HPSE2: variants seen among roughly 807,000 people sequenced by gnomAD.
HPSE2 encodes the protein inactive heparanase-2.
A neutral mutation model predicts 60.5 loss-of-function variants in HPSE2; 38 were observed. The ratio of observed to expected loss-of-function variants is 0.63; its 90% CI spans 0.48 to 0.82. The LOEUF (loss-of-function observed/expected upper bound fraction) is 0.82, where lower values mean the gene tolerates loss of function less well. HPSE2 is among the 40% of genes least tolerant of loss of function. The probability of loss-of-function intolerance (pLI) is 0.00; values close to 1 mark genes in which losing one functional copy is unlikely to be tolerated. For synonymous variants in HPSE2, 295 were observed against 293.2 expected (o/e 1.01, Z -0.06); for missense variants, 713 against 740.4 (o/e 0.96, Z 0.43).
At chr10:98,649,796 G>GGGCTCCATGGTC in intron 6 of HPSE2, among the ~76,000 whole-genome samples, 1 of 152,154 alleles carries the variant, frequency 6.6e-6, no homozygotes, top group African/African-American at 2.4e-5. Context: ...ATAAGTTTAG[G>GGGCTCCATGGTC]AAATGCTGGG....
At chr10:99,248,152 G>A in the HPSE2 span, among the ~76,000 whole-genome samples, 1 of 152,216 alleles carries the variant, frequency 6.6e-6, no homozygotes, top group African/African-American at 2.4e-5. Context: ...ATAATGGGCA[G>A]AGGTTGGAAC....
In HPSE2 at chr10:98,937,453, G is replaced by C. The variant is rs1954837699; in HGVS notation, c.611-193397C>G. Among the ~76,000 whole-genome samples the C allele has an allele frequency of 1.4e-5, 2 of 144,628 alleles. 1 individual carries two copies. The highest frequency in any genetic ancestry group is 4.2e-4 in the South Asian group (2 of 4,762). 94.9% of individuals were successfully genotyped at this position (144,628 alleles called of 152,430 possible). A position where few individuals can be genotyped will look rare whatever the true frequency, so the allele number is the denominator to read the frequency against. ...GATTATATCCCGCACATGGCTTGGAGGGTCCTACGCCCACGGAGTCTCGCT... is the reference window on the plus strand; with the variant it reads ...GATTATATCCCGCACATGGCTTGGACGGTCCTACGCCCACGGAGTCTCGCT... On this transcript the variant is annotated intron_variant, in intron 3 of 11. Coordinates refer to ENST00000370552, the MANE Select transcript of HPSE2 (RefSeq NM_021828.5).
At chr10:98,674,594 G>T (rs1947587843) in intron 6 of HPSE2, among the ~76,000 whole-genome samples, 1 of 152,184 alleles carries the variant, frequency 6.6e-6, no homozygotes, top group African/African-American at 2.4e-5. Context: ...TTCATCTCAA[G>T]ATTGTGTATA....
In HPSE2 at chr10:99,201,472, C is replaced by T. The variant is rs118080093; in HGVS notation, c.448+30876G>A. Among the ~76,000 whole-genome samples the T allele has an allele frequency of 3.1e-3, 466 of 152,154 alleles. 1 individual carries two copies. The highest frequency in any genetic ancestry group is 4.8e-3 in the Non-Finnish European group (324 of 67,992). The stretch of plus-strand genomic sequence containing the variant: ...CTTAGTCACAATCCTTCCTTGACTC[C>T]CTATTGTTTAAAGAAAAATCAAATC... On this transcript the variant is annotated intron_variant, in intron 2 of 11. Transcript: ENST00000370552.
chr10:99,140,766 C>T (rs142643883), intron 3 of HPSE2, among the ~76,000 whole-genome samples: 4 of 152,256 alleles, frequency 2.6e-5, no homozygotes, highest in African/African-American at 4.8e-5. Flanking sequence ...TGGCTGGGTG[C>T]GGTGGCTCAC....
intron 2 of HPSE2, among the ~76,000 whole-genome samples, chr10:99,207,460 A>G (rs913427668): frequency 1.3e-5 from 2 of 152,226 alleles, no homozygotes; most frequent in African/African-American, 4.8e-5. Context: ...AGATATAAAA[A>G]TCACTGATAA....
At chr10:99,257,054 G>A in the HPSE2 span, among the ~76,000 whole-genome samples, 1 of 152,174 alleles carries the variant, frequency 6.6e-6, no homozygotes, top group Non-Finnish European at 1.5e-5. Flanking sequence ...AAGATTTCAT[G>A]GACATTTATC....
At chr10:99,308,280 T>G in the HPSE2 span, among the ~76,000 whole-genome samples, 8 of 149,996 alleles carry the variant, frequency 5.3e-5, no homozygotes, top group Admixed American at 5.3e-4. Flanking sequence ...CCCAGCTACT[T>G]GGGAGGCTGA....
chr10:98,660,204 T>C (rs562272983), intron 6 of HPSE2, among the ~76,000 whole-genome samples: 3 of 152,316 alleles, frequency 2.0e-5, no homozygotes, highest in Non-Finnish European at 2.9e-5. Flanking sequence ...AGCTGATCCC[T>C]GAGGGATTCT....
intron 3 of HPSE2, among the ~76,000 whole-genome samples, chr10:98,904,654 T>C (rs1194171932): frequency 6.6e-6 from 1 of 152,188 alleles, no homozygotes; most frequent in African/African-American, 2.4e-5. Context: ...CTGATTGATT[T>C]AATGTTTGCT....
chr10:99,203,022 G>T (rs1020143062), intron 2 of HPSE2, among the ~76,000 whole-genome samples: 2 of 152,080 alleles, frequency 1.3e-5, no homozygotes, highest in African/African-American at 4.8e-5. Flanking sequence ...AGGCCCCCAT[G>T]GCCCCAGAAC....
At chr10:98,827,020 A>G (rs998467109) in intron 3 of HPSE2, among the ~76,000 whole-genome samples, 1 of 151,918 alleles carries the variant, frequency 6.6e-6, no homozygotes, top group East Asian at 2.0e-4. Flanking sequence ...GTGTCGTGGT[A>G]TATGCCTGTA....
At chr10:99,005,203 A>ATGTTTT (rs1956863561) in intron 3 of HPSE2, among the ~76,000 whole-genome samples, 1 of 152,096 alleles carries the variant, frequency 6.6e-6, no homozygotes, top group South Asian at 2.1e-4. Context: ...GTGTTTTCCC[A>ATGTTTT]GATTTGAAAA....
chr10:98,766,103 T>C (rs1464782061), intron 3 of HPSE2, among the ~76,000 whole-genome samples: 1 of 151,978 alleles, frequency 6.6e-6, no homozygotes, highest in Non-Finnish European at 1.5e-5. Flanking sequence ...TGAATCAATA[T>C]AAACCATATA....
chr10:99,056,958 G>A (rs993939554), intron 3 of HPSE2, among the ~76,000 whole-genome samples: 5 of 152,114 alleles, frequency 3.3e-5, no homozygotes, highest in African/African-American at 4.8e-5. Context: ...TATTGAGAAC[G>A]TTAGGTTAAG....
intron 3 of HPSE2, among the ~76,000 whole-genome samples, chr10:98,756,716 AGAAG>A (rs768576008): frequency 2.0e-5 from 3 of 152,306 alleles, no homozygotes; most frequent in East Asian, 3.9e-4. Context: ...GCCCTGGACC[AGAAG>A]GATTTACAGC....
chr10:99,078,732 T>C (rs1483515630), intron 3 of HPSE2, among the ~76,000 whole-genome samples: 2 of 152,202 alleles, frequency 1.3e-5, no homozygotes, highest in Non-Finnish European at 2.9e-5. Context: ...GTGGGACATA[T>C]ATCCTTGTTT....
intron 3 of HPSE2, among the ~76,000 whole-genome samples, chr10:98,890,469 A>G (rs1299644188): frequency 6.6e-6 from 1 of 152,224 alleles, no homozygotes; most frequent in East Asian, 1.9e-4. Flanking sequence ...TTGCCTGTAC[A>G]TTATGATTTT....
chr10:99,159,833 T>C (rs1279305393), intron 2 of HPSE2, among the ~76,000 whole-genome samples: 1 of 152,062 alleles, frequency 6.6e-6, no homozygotes, highest in African/African-American at 2.4e-5. Context: ...AGAGTAAAAG[T>C]GTTCGCTCTT....
Sources: gnomAD v4.1 joint callset for allele counts (sites outside exome capture counted in the v4.1 genomes callset) on GRCh38, gnomAD v4.1.1 for gene constraint, MANE v1.5 for transcripts, NCBI Gene and HGNC (gene_info 2026-07-23, HGNC 2026-07-21) for gene names.